Variants in CCDC171 observed in about 807,000 individuals in gnomAD.
CCDC171 encodes the protein coiled-coil domain-containing protein 171.
A neutral mutation model predicts 168.2 loss-of-function variants in CCDC171; 177 were observed. The observed-to-expected ratio is 1.05, with a 90% CI of 0.93 to 1.19. The LOEUF is 1.19. CCDC171 is among the 50% of genes most tolerant of loss of function. The probability of loss-of-function intolerance (pLI) is 0.00; values close to 1 mark genes in which losing one functional copy is unlikely to be tolerated. For missense variants in CCDC171, 1,991 were observed against 1,539.0 expected, an observed-to-expected ratio of 1.29 and a Z score of -4.91; for synonymous variants, 687 against 540.8, an observed-to-expected ratio of 1.27 and a Z score of -3.75.
chr9:16,026,703 G>C (rs1047668760), intron 6 of CCDC171, among the ~76,000 whole-genome samples: 2 of 152,136 alleles, frequency 1.3e-5, no homozygotes, highest in East Asian at 1.9e-4. Flanking sequence ...CAGTTAAGGG[G>C]TTACTGGTAA....
intron 6 of CCDC171, among the ~76,000 whole-genome samples, chr9:15,610,306 G>A (rs1194193002): frequency 6.6e-6 from 1 of 150,782 alleles, no homozygotes; most frequent in Non-Finnish European, 1.5e-5. Context: ...GCTCACTGCA[G>A]CTTAAACCTC....
chr9:15,953,958 G>T (rs538992233), intron 25 of CCDC171, among the ~76,000 whole-genome samples: 1 of 151,930 alleles, frequency 6.6e-6, no homozygotes, highest in South Asian at 2.1e-4. Flanking sequence ...CAATTTGTCG[G>T]TACAATTGTT....
chr9:15,777,821 A>C lies in CCDC171; in HGVS notation c.2893A>C (p.Ile965Leu), dbSNP rs1205790411. The C allele has an allele frequency of 1.2e-6, 2 of 1,600,814 alleles. No homozygotes were observed. The highest frequency in any genetic ancestry group is 1.3e-5 in the African/African-American group (1 of 74,302). ...ATATGGTTTGCGTGGCCATGTGCCC[A>C]TTACGGTATGTATACACTTTCATTT... is the stretch of plus-strand genomic sequence containing the variant. The part of the protein sequence containing the change: ...LKYGLRGHVP[I>L]TKSTASLQKQ... The change falls in exon 19 of 26, where the codon ATT becomes CTT. Residue 965 changes from isoleucine (I) to leucine (L), a missense_variant. Physicochemically the swap from Ile to Leu is conservative, Grantham distance 5. Transcript: ENST00000380701.
intron 21 of CCDC171, among the ~76,000 whole-genome samples, chr9:15,826,345 G>A (rs907188518): frequency 6.6e-6 from 1 of 151,232 alleles, no homozygotes; most frequent in African/African-American, 2.4e-5. Context: ...TATGCTGAAG[G>A]CCATGGAAGA....
chr9:15,948,629 G>C (rs1313598944), intron 25 of CCDC171, among the ~76,000 whole-genome samples: 2 of 152,060 alleles, frequency 1.3e-5, no homozygotes, highest in East Asian at 3.9e-4. Flanking sequence ...GTCTTCTTTT[G>C]AGTAGTGTCT....
intron 4 of CCDC171, among the ~76,000 whole-genome samples, chr9:15,589,696 G>T (rs548503514): frequency 3.3e-5 from 5 of 152,264 alleles, no homozygotes; most frequent in Non-Finnish European, 5.9e-5. Context: ...GTTGGATACA[G>T]TTTGGCTTGA....
intron 18 of CCDC171, among the ~76,000 whole-genome samples, chr9:15,752,555 A>G (rs1390090968): frequency 1.3e-5 from 2 of 152,222 alleles, no homozygotes; most frequent in Admixed American, 6.5e-5. Flanking sequence ...ATGGAATACT[A>G]TGCAGCCACA....
intron 23 of CCDC171, among the ~76,000 whole-genome samples, chr9:15,873,989 G>C (rs947471393): frequency 6.6e-6 from 1 of 152,216 alleles, no homozygotes; most frequent in South Asian, 2.1e-4. Flanking sequence ...AATTCTAGAA[G>C]AGTGAAAAGG....
At chr9:15,901,398 T>G (rs1056434871) in intron 24 of CCDC171, among the ~76,000 whole-genome samples, 1 of 152,102 alleles carries the variant, frequency 6.6e-6, no homozygotes, top group Non-Finnish European at 1.5e-5. Context: ...ATGTACCACT[T>G]TGTAGGAGGG....
Position 15,828,595 on chromosome 9 carries a change from A to C in CCDC171, c.3268-18107A>C, listed in dbSNP as rs141189953. ...TTTCATCTTGTACTGGAAGAAACAG[A>C]TATGCATAGATTTAAGTGCAATACA... On this transcript the variant is annotated intron_variant, in intron 21 of 25. Transcript: ENST00000380701. Among the ~76,000 whole-genome samples the C allele has an allele frequency of 3.3e-5, 5 of 152,332 alleles. No homozygotes were observed. The South Asian group carries it at 6.2e-4, about 19-fold the overall frequency.
At chr9:15,991,819 G>C (rs1307352149) in intron 3 of CCDC171, among the ~76,000 whole-genome samples, 4 of 152,088 alleles carry the variant, frequency 2.6e-5, no homozygotes, top group Non-Finnish European at 1.5e-5. Context: ...AAATAAACTA[G>C]AAAATCTAGA....
At chr9:15,852,915 C>A (rs997443134) in intron 23 of CCDC171, among the ~76,000 whole-genome samples, 1 of 151,578 alleles carries the variant, frequency 6.6e-6, no homozygotes, top group Non-Finnish European at 1.5e-5. Flanking sequence ...AGGTTTATTT[C>A]TGGACTCTCA....
the CCDC171 span, among the ~76,000 whole-genome samples, chr9:16,075,647 A>G: frequency 0.13 from 20,522 of 152,188 alleles, 1,493 homozygotes; most frequent in African/African-American, 0.17. Flanking sequence ...TTCAGGTCTC[A>G]CACAATGATA....
intron 21 of CCDC171, among the ~76,000 whole-genome samples, chr9:15,805,092 G>A (rs1475437916): frequency 6.6e-6 from 1 of 152,162 alleles, no homozygotes; most frequent in Non-Finnish European, 1.5e-5. Context: ...TGTGGGGTCA[G>A]TGGTAATATC....
intron 24 of CCDC171, among the ~76,000 whole-genome samples, chr9:15,911,882 C>G (rs200932972): frequency 1.3e-5 from 2 of 152,012 alleles, no homozygotes; most frequent in Admixed American, 6.6e-5. Context: ...ATTTCTGAGG[C>G]CTCTGTTCTG....
chr9:15,745,715 A>C (rs892537870), intron 18 of CCDC171, 84 bp downstream of exon 18: 2 of 719,480 alleles, frequency 2.8e-6, no homozygotes, highest in Non-Finnish European at 4.5e-6. Context: ...TTCTAATAAA[A>C]CATATAGGGG....
chr9:15,905,269 G>A (rs1232121359), intron 24 of CCDC171, among the ~76,000 whole-genome samples: 1 of 152,102 alleles, frequency 6.6e-6, no homozygotes. Flanking sequence ...CACATAGTTG[G>A]AAGTAAAGCA....
intron 24 of CCDC171, among the ~76,000 whole-genome samples, chr9:15,898,119 G>C (rs1411013933): frequency 2.0e-5 from 3 of 152,196 alleles, no homozygotes; most frequent in Non-Finnish European, 4.4e-5. Flanking sequence ...TGTCTGGCCT[G>C]CAGTAGCTGT....
At chr9:15,762,985 A>G (rs1287675609) in intron 18 of CCDC171, among the ~76,000 whole-genome samples, 1 of 152,230 alleles carries the variant, frequency 6.6e-6, no homozygotes, top group African/African-American at 2.4e-5. Flanking sequence ...AGGGGTCCCC[A>G]GGGCCACCCT....
Sources: allele counts gnomAD v4.1 joint callset (sites outside exome capture counted in the v4.1 genomes callset), GRCh38; gene constraint gnomAD v4.1.1; transcripts MANE v1.5; gene names NCBI Gene and HGNC (gene_info 2026-07-23, HGNC 2026-07-21).